Variants in ALS2 observed in about 807,000 individuals in gnomAD.
ALS2 encodes the protein alsin.
Under a neutral mutation model 203.4 loss-of-function variants are expected in ALS2, and 117 were observed. The ratio of observed to expected loss-of-function variants is 0.58; its 90% CI spans 0.50 to 0.67. The LOEUF is 0.67. ALS2 is among the 30% of genes least tolerant of loss of function. The probability of loss-of-function intolerance (pLI) is 0.00; values close to 1 mark genes in which losing one functional copy is unlikely to be tolerated. For synonymous variants in ALS2, 718 were observed against 725.9 expected (o/e 0.99, Z 0.17); for missense variants, 1,715 against 1,989.4 (o/e 0.86, Z 2.62).
At chr2:201,702,945 A>G (rs916358840) in intron 33 of ALS2, among the ~76,000 whole-genome samples, 1 of 152,148 alleles carries the variant, frequency 6.6e-6, no homozygotes, top group Non-Finnish European at 1.5e-5. Context: ...GTGAAACCCC[A>G]TCTCTAATAA....
intron 28 of ALS2, 61 bp downstream of exon 28, chr2:201,707,806 CTT>C: frequency 6.3e-7 from 1 of 1,590,776 alleles, no homozygotes; most frequent in South Asian, 1.1e-5. Flanking sequence ...CGCTGGGACT[CTT>C]TGAGTAAGAT....
intron 3 of ALS2, among the ~76,000 whole-genome samples, chr2:201,762,263 C>T (rs1286702462): frequency 6.6e-6 from 1 of 152,144 alleles, no homozygotes; most frequent in Non-Finnish European, 1.5e-5. Context: ...GTTGGAACAG[C>T]AAAAAATTAT....
intron 4 of ALS2, among the ~76,000 whole-genome samples, chr2:201,758,962 A>G (rs1250067416): frequency 6.6e-6 from 1 of 152,224 alleles, no homozygotes; most frequent in Non-Finnish European, 1.5e-5. Context: ...TATACTTAAT[A>G]AAACGAAAAA....
chr2:201,700,501 T>C lies in ALS2; in HGVS notation c.*1350A>G, dbSNP rs754568123. 2.0e-4 allele frequency: 30 copies of C among 152,670 alleles called. No individual in the cohort carries two copies. Among genetic ancestry groups the C allele is most frequent in the Non-Finnish European group, 3.8e-4 (26 of 68,040 alleles). 9.5% of individuals were successfully genotyped at this position (152,670 alleles called of 1,614,324 possible). On this transcript the variant is annotated 3_prime_UTR_variant, in exon 34 of 34. Transcript: ENST00000264276. The stretch of plus-strand genomic sequence containing the variant: ...AGAAATACTAAGTCTGGGTTTCCTT[T>C]CATCTTTTAGGCTGCCCTGTTCATT...
chr2:201,711,140 T>G (rs1205849464), intron 25 of ALS2, 32 bp from the exon 26 acceptor site: 1 of 1,348,504 alleles, frequency 7.4e-7, no homozygotes, highest in East Asian at 2.3e-5. Context: ...TCTGTTGTAT[T>G]TCACATCAAG....
At position 201,711,092 on chromosome 2, in the gene ALS2, G is replaced by A. The variant is rs771371026; in HGVS notation, c.4021C>T (p.Arg1341Cys). The A allele has an allele frequency of 2.9e-5, 46 of 1,604,534 alleles. No individual in the cohort carries two copies. The highest frequency in any genetic ancestry group is 3.8e-5 in the Non-Finnish European group (44 of 1,171,772). The change falls in exon 26 of 34, where the codon CGT (arginine) becomes TGT (cysteine). Residue 1341 changes from arginine (R) to cysteine (C), a missense_variant. By Grantham distance (180) the Arg-to-Cys change is radical. Transcript: ENST00000264276. ...QHRDSPEILS[R>C]SQTQTLESLE... ...CTCTCTAGTGTCTGAGTCTGTGAAC[G>A]ACTCAGTATTTCTGGACTATAAAAA...
At chr2:201,752,930 A>G (rs571937243) in intron 7 of ALS2, among the ~76,000 whole-genome samples, 3 of 152,338 alleles carry the variant, frequency 2.0e-5, no homozygotes, top group African/African-American at 7.2e-5. Flanking sequence ...CTCTACTGTT[A>G]CGTATGTGTG....
In ALS2 at chr2:201,704,435, A is replaced by ATGTT; in HGVS notation, c.4838+18_4838+19insAACA. On this transcript the variant is annotated intron_variant, in intron 32 of 33. Coordinates refer to ENST00000264276, the MANE Select transcript of ALS2 (RefSeq NM_020919.4). ...TTAAAAATAACGACTCACTAATAAC[A>ATGTT]AAGTCATAAAACAGTTACCTGGCCC... 6.2e-7 allele frequency: 1 copy of ATGTT among 1,613,976 alleles called. No individual in the cohort carries two copies. Among genetic ancestry groups the ATGTT allele is most frequent in the Non-Finnish European group, 8.5e-7 (1 of 1,179,920 alleles).
intron 25 of ALS2, among the ~76,000 whole-genome samples, chr2:201,715,214 GAA>G (rs929670074): frequency 5.9e-5 from 9 of 152,174 alleles, no homozygotes; most frequent in Non-Finnish European, 1.0e-4. Flanking sequence ...AAGACAGAAA[GAA>G]AACTGAGTAT....
intron 25 of ALS2, among the ~76,000 whole-genome samples, chr2:201,713,133 CTTT>C (rs35807671): frequency 3.1e-5 from 3 of 96,274 alleles, no homozygotes; most frequent in Admixed American, 1.4e-4. Flanking sequence ...CTTTTCTTTT[CTTT>C]TTTTTTTTTT....
intron 7 of ALS2, among the ~76,000 whole-genome samples, chr2:201,752,404 CTCCT>C (rs1344607412): frequency 7.9e-5 from 12 of 151,518 alleles, no homozygotes; most frequent in African/African-American, 2.9e-4. Flanking sequence ...TGTAACTGAC[CTCCT>C]TCCTAATCTC....
chr2:201,728,679 A>G, intron 14 of ALS2, 39 bp from the exon 15 acceptor site: 1 of 1,601,346 alleles, frequency 6.2e-7, no homozygotes, highest in South Asian at 1.1e-5. Flanking sequence ...TCAAACAATC[A>G]AAATTATTTT....
intron 24 of ALS2, among the ~76,000 whole-genome samples, chr2:201,717,639 GAA>G (rs59265308): frequency 6.2e-4 from 72 of 115,992 alleles, no homozygotes; most frequent in Middle Eastern, 4.4e-3. Flanking sequence ...TCTTGTTTAA[GAA>G]AAAAAAAAAA....
intron 14 of ALS2, 22 bp from the exon 15 acceptor site, chr2:201,728,662 A>AT (rs772908413): frequency 5.1e-5 from 82 of 1,609,326 alleles, no homozygotes; most frequent in Non-Finnish European, 6.7e-5. Context: ...GACAAATATA[A>AT]TACAAGTCAA....
intron 23 of ALS2, among the ~76,000 whole-genome samples, chr2:201,720,802 T>C (rs1311362762): frequency 6.6e-6 from 1 of 152,052 alleles, no homozygotes; most frequent in African/African-American, 2.4e-5. Flanking sequence ...ATCTTAACAT[T>C]TTTCTATTCA....
rs780648054 is a variant in ALS2 at position 201,741,858 on chromosome 2, T to G, written c.2171-4A>C. The G allele has an allele frequency of 6.2e-7, 1 of 1,609,388 alleles. No homozygotes were observed. ...GTAGTTGTAGTGCCCAAATTTTCTA[T>G]AACAAAATAATGATGATGATGACAA... On this transcript the variant is annotated splice_polypyrimidine_tract_variant and splice_region_variant and intron_variant, in intron 10 of 33. Coordinates refer to ENST00000264276, the MANE Select transcript of ALS2 (RefSeq NM_020919.4).
At chr2:201,726,904 C>CA (rs771608323) in intron 17 of ALS2, 38 bp from the exon 18 acceptor site, 6 of 1,550,172 alleles carry the variant, frequency 3.9e-6, no homozygotes, top group Non-Finnish European at 5.3e-6. Context: ...TTTAAGGCAA[C>CA]AATTCATCAA....
chr2:201,734,046 C>T (rs1235474575), intron 12 of ALS2, among the ~76,000 whole-genome samples: 1 of 152,136 alleles, frequency 6.6e-6, no homozygotes. Context: ...AAAAGCATTT[C>T]AAACTGAAGC....
intron 19 of ALS2, among the ~76,000 whole-genome samples, chr2:201,725,814 T>C (rs188445541): frequency 5.8e-4 from 88 of 152,334 alleles, no homozygotes; most frequent in Admixed American, 2.0e-3. Context: ...GTGGGTAAAT[T>C]AGATGATCTA....
Sources: gnomAD v4.1 joint callset for allele counts (sites outside exome capture counted in the v4.1 genomes callset) on GRCh38, gnomAD v4.1.1 for gene constraint, MANE v1.5 for transcripts, NCBI Gene and HGNC (gene_info 2026-07-23, HGNC 2026-07-21) for gene names.